Variants in OVCH1 observed in about 807,000 individuals in gnomAD.
OVCH1 encodes the protein ovochymase 1.
In OVCH1, 139 loss-of-function variants were observed where a neutral mutation model predicts 138.4. That is an observed-to-expected ratio of 1.00 (90% CI 0.87 to 1.16). The LOEUF (loss-of-function observed/expected upper bound fraction) is 1.16. Among genes scored for constraint, OVCH1 ranks in the 50% most tolerant of loss-of-function variants. The probability of loss-of-function intolerance (pLI) is 0.00; values close to 1 mark genes in which losing one functional copy is unlikely to be tolerated. For missense variants in OVCH1, 1,367 were observed against 1,357.9 expected (o/e 1.01, Z -0.11); for synonymous variants, 453 against 467.8 (o/e 0.97, Z 0.41).
downstream of OVCH1, among the ~76,000 whole-genome samples, chr12:29,424,220 G>A (rs770583568): frequency 6.6e-6 from 1 of 152,234 alleles, no homozygotes; most frequent in African/African-American, 2.4e-5. Flanking sequence ...AAAGGGATGG[G>A]TTTGGCTAGT....
At chr12:29,434,041 A>G (rs1040012599) in intron 26 of OVCH1, among the ~76,000 whole-genome samples, 2 of 152,206 alleles carry the variant, frequency 1.3e-5, no homozygotes, top group African/African-American at 2.4e-5. Flanking sequence ...TCCGATTTCT[A>G]TAATTTGCAA....
At chr12:29,406,992 G>C in the OVCH1 span, among the ~76,000 whole-genome samples, 2 of 150,948 alleles carry the variant, frequency 1.3e-5, no homozygotes, top group East Asian at 1.9e-4. Context: ...TTTAATGATT[G>C]CCATTCTAAC....
chr12:29,418,143 C>G (rs1941057264), intron 3 of OVCH1, among the ~76,000 whole-genome samples: 1 of 152,132 alleles, frequency 6.6e-6, no homozygotes, highest in African/African-American at 2.4e-5. Flanking sequence ...TTATTCCTTT[C>G]TATTAATAAT....
At chr12:29,496,200 A>G in exon 3 of OVCH1, 2 of 1,608,348 alleles carry the variant, frequency 1.2e-6, no homozygotes, top group Non-Finnish European at 8.5e-7. Flanking sequence ...CTGTCCAGGC[A>G]GTGTGCTGCT....
In OVCH1 at chr12:29,477,317, G is replaced by A. The variant is rs1304982048; in HGVS notation, c.1246+24C>T. 7 of 1,613,634 alleles carry A rather than the reference G, an allele frequency of 4.3e-6. No homozygotes were observed. The Admixed American group carries it at 8.3e-5, about 19-fold the overall frequency. On this transcript the variant is annotated intron_variant, in intron 11 of 27. Transcript: ENST00000318184. Reference sequence around the variant, plus strand: ...ACCCACATCAAGGGAAAATGGCAAGGAATTAAATACCTGAAACACTCACCT... The same window carrying A: ...ACCCACATCAAGGGAAAATGGCAAGAAATTAAATACCTGAAACACTCACCT...
chr12:29,464,516 T>C (rs1222285644), exon 18 of OVCH1: 1 of 1,613,330 alleles, frequency 6.2e-7, no homozygotes. Flanking sequence ...CCTGCACTGA[T>C]GCTTCCCCAT....
intron 4 of OVCH1, among the ~76,000 whole-genome samples, chr12:29,493,303 G>A (rs1438312070): frequency 6.6e-6 from 1 of 152,106 alleles, no homozygotes; most frequent in Non-Finnish European, 1.5e-5. Flanking sequence ...TTGGTAATGT[G>A]TCTTTTTCCT....
intron 3 of OVCH1, among the ~76,000 whole-genome samples, chr12:29,416,729 C>T (rs1022242203): frequency 7.9e-5 from 12 of 152,240 alleles, no homozygotes; most frequent in African/African-American, 2.9e-4. Context: ...GTAAAACTAC[C>T]ATGGAAAAAC....
At chr12:29,491,525 G>A (rs1169873636) in intron 4 of OVCH1, among the ~76,000 whole-genome samples, 2 of 152,170 alleles carry the variant, frequency 1.3e-5, no homozygotes, top group African/African-American at 4.8e-5. Context: ...GAATTAGCCA[G>A]GCCACTGCCT....
At chr12:29,453,599 T>G (rs1941859430) in intron 21 of OVCH1, among the ~76,000 whole-genome samples, 1 of 152,156 alleles carries the variant, frequency 6.6e-6, no homozygotes, top group Non-Finnish European at 1.5e-5. Context: ...TTCCACCTTT[T>G]GGGACTCATA....
intron 19 of OVCH1, among the ~76,000 whole-genome samples, chr12:29,460,596 C>T (rs1212450528): frequency 1.3e-5 from 2 of 152,064 alleles, no homozygotes; most frequent in African/African-American, 4.8e-5. Context: ...AACTATGGCT[C>T]AAGGGAAAGT....
intron 4 of OVCH1, among the ~76,000 whole-genome samples, chr12:29,492,129 C>G (rs1477214206): frequency 6.6e-6 from 1 of 152,160 alleles, no homozygotes; most frequent in East Asian, 1.9e-4. Context: ...TGGAAGATGT[C>G]ATTTTAAATA....
intron 3 of OVCH1, among the ~76,000 whole-genome samples, chr12:29,495,689 T>C (rs549957343): frequency 2.0e-5 from 3 of 152,150 alleles, no homozygotes; most frequent in Admixed American, 6.5e-5. Context: ...AAATATTGCA[T>C]CCTTTTCTTC....
intron 19 of OVCH1, among the ~76,000 whole-genome samples, chr12:29,455,688 G>C (rs116200244): frequency 6.2e-4 from 95 of 152,306 alleles, no homozygotes; most frequent in African/African-American, 2.2e-3. Context: ...CCCCATCGGA[G>C]GGAGATAGTC....
chr12:29,451,098 C>T lies in OVCH1; in HGVS notation c.2755+247G>A, dbSNP rs532944537. 2.4e-3 allele frequency among the ~76,000 whole-genome samples: 366 copies of T among 152,018 alleles called. 1 individual carries two copies. Among genetic ancestry groups the T allele is most frequent in the Middle Eastern group, 6.8e-3 (2 of 294 alleles). ...GGCTTATAGTTGCAGCAAACCACCA[C>T]GGCACGTGTATACCTTTGTAACAAA... On this transcript the variant is annotated intron_variant, in intron 22 of 27. Coordinates refer to ENST00000318184, the Ensembl canonical transcript of OVCH1.
intron 21 of OVCH1, among the ~76,000 whole-genome samples, chr12:29,454,599 T>C (rs1941891666): frequency 6.6e-6 from 1 of 152,182 alleles, no homozygotes; most frequent in Non-Finnish European, 1.5e-5. Context: ...TTCTCCAATA[T>C]TCAAGCACTG....
intron 11 of OVCH1, 39 bp downstream of exon 11, chr12:29,477,302 A>G (rs762030443): frequency 6.2e-7 from 1 of 1,613,566 alleles, no homozygotes; most frequent in Admixed American, 1.7e-5. Context: ...ACCCACATCA[A>G]GGGAAAATGG....
intron 22 of OVCH1, among the ~76,000 whole-genome samples, chr12:29,448,174 G>T (rs948974852): frequency 6.8e-6 from 1 of 146,586 alleles, no homozygotes; most frequent in Non-Finnish European, 1.5e-5. Flanking sequence ...TAGATCCTTG[G>T]CATGTGCAAT....
intron 8 of OVCH1, among the ~76,000 whole-genome samples, chr12:29,482,952 A>G (rs1036897182): frequency 6.6e-6 from 1 of 152,254 alleles, no homozygotes; most frequent in African/African-American, 2.4e-5. Context: ...GAAATCATTC[A>G]AACAAGAAAT....
Sources: gnomAD v4.1 joint callset for allele counts (sites outside exome capture counted in the v4.1 genomes callset) on GRCh38, gnomAD v4.1.1 for gene constraint, MANE v1.5 for transcripts, NCBI Gene and HGNC (gene_info 2026-07-23, HGNC 2026-07-21) for gene names.